SH3BP2: variants seen among roughly 807,000 people sequenced by gnomAD.
SH3BP2 encodes SH3 domain-binding protein 2.
SH3BP2 carries 38 observed loss-of-function variants against 56.2 expected under a neutral mutation model. The ratio of observed to expected loss-of-function variants is 0.68; its 90% CI spans 0.52 to 0.89. The LOEUF (loss-of-function observed/expected upper bound fraction) is 0.89. Among genes scored for constraint, SH3BP2 ranks in the 40% least tolerant of loss-of-function variants. SH3BP2 has a pLI of 0.00. For missense variants in SH3BP2, 748 were observed against 762.6 expected, an observed-to-expected ratio of 0.98 and a Z score of 0.23; for synonymous variants, 346 against 316.7, an observed-to-expected ratio of 1.09 and a Z score of -0.98.
intron 1 of SH3BP2, among the ~76,000 whole-genome samples, chr4:2,811,488 A>C (rs1723747844): frequency 6.6e-6 from 1 of 152,226 alleles, no homozygotes; most frequent in Non-Finnish European, 1.5e-5. Context: ...GAGGGCGCTC[A>C]GCAGCCAGTG....
chr4:2,833,470 T>C (rs896544315), intron 12 of SH3BP2: 2 of 630,454 alleles, frequency 3.2e-6, no homozygotes, highest in African/African-American at 1.8e-5. Context: ...TCTGAAGTGC[T>C]CTGGGTGCAG....
intron 1 of SH3BP2, among the ~76,000 whole-genome samples, chr4:2,793,960 T>G (rs1158527131): frequency 6.6e-6 from 1 of 152,210 alleles, no homozygotes; most frequent in Admixed American, 6.5e-5. Flanking sequence ...TGGGGAGCCT[T>G]CTGCTGGTGC....
intron 1 of SH3BP2, among the ~76,000 whole-genome samples, chr4:2,802,324 A>G (rs1723313727): frequency 6.6e-6 from 1 of 151,604 alleles, no homozygotes; most frequent in Non-Finnish European, 1.5e-5. Flanking sequence ...AACCAAGGAG[A>G]CAGAGGTTGC....
chr4:2,796,907 A>C (rs1424738789), intron 1 of SH3BP2, among the ~76,000 whole-genome samples: 1 of 152,210 alleles, frequency 6.6e-6, no homozygotes, highest in Non-Finnish European at 1.5e-5. Context: ...CAGGCACCAG[A>C]GGGGAGCTGA....
intron 5 of SH3BP2, chr4:2,827,000 T>G: frequency 1.5e-6 from 1 of 677,496 alleles, no homozygotes. Flanking sequence ...TGCATGTGTG[T>G]GTCTGTCAGC....
intron 2 of SH3BP2, among the ~76,000 whole-genome samples, chr4:2,822,731 G>T (rs1446384135): frequency 6.6e-6 from 1 of 152,246 alleles, no homozygotes; most frequent in Non-Finnish European, 1.5e-5. Context: ...GGGCTAGCCA[G>T]TGTGCCTACA....
intron 1 of SH3BP2, among the ~76,000 whole-genome samples, chr4:2,812,855 C>T (rs113148603): frequency 2.0e-5 from 3 of 151,846 alleles, no homozygotes; most frequent in Non-Finnish European, 4.4e-5. Context: ...TAAGTACACA[C>T]GTTGTGTATG....
At position 2,829,860 on chromosome 4, in the gene SH3BP2, C is replaced by T; in HGVS notation, c.954C>T (p.Ser318=). The change falls in exon 8 of 13, where the codon TCC becomes TCT. Residue 318 remains serine, a synonymous_variant. Coordinates refer to ENST00000503393, the MANE Select transcript of SH3BP2 (RefSeq NM_001122681.2). This position sits in a 1 kb window ranked among gnomAD's most constrained non-coding sequence, Gnocchi z 4.9. ...CTGGCCACGGGGCCTGCTCCACTTC[C>T]AGTGCTGCCATCATGGCCACTGCCA... ...WTPGHGACST[S]SAAIMATATS... is the part of the protein sequence containing the mutation. 2 of 1,613,798 alleles carry T rather than the reference C, an allele frequency of 1.2e-6. No homozygotes were observed. Among genetic ancestry groups the T allele is most frequent in the Non-Finnish European group, 1.7e-6 (2 of 1,180,018 alleles).
rs564639669 is a variant in SH3BP2 at position 2,829,427 on chromosome 4, T to G, written c.587-66T>G. On this transcript the variant is annotated intron_variant, in intron 7 of 12. Transcript: ENST00000503393. The surrounding 1 kb of genome is among the most constrained non-coding windows in gnomAD (Gnocchi z 4.9). The stretch of plus-strand genomic sequence containing the variant: ...ACTCCTGGTTGGCCTGGCTGACCAC[T>G]GCCAGCAGAGGATAGTGTTGGCCCA... 1 of 1,567,998 alleles carries G rather than the reference T, an allele frequency of 6.4e-7. No individual in the cohort carries two copies. The highest frequency in any genetic ancestry group is 2.2e-5 in the East Asian group (1 of 44,676).
intron 1 of SH3BP2, among the ~76,000 whole-genome samples, chr4:2,794,936 G>A (rs976150561): frequency 6.6e-6 from 1 of 152,146 alleles, no homozygotes; most frequent in African/African-American, 2.4e-5. Context: ...AGGGAGGAAG[G>A]GCGCAAACTC....
chr4:2,818,151 G>T (rs865788250), intron 1 of SH3BP2: 1,049 of 920,230 alleles, frequency 1.1e-3, no homozygotes, highest in Middle Eastern at 7.2e-3. Flanking sequence ...GGCGCGCCGG[G>T]ATCCTCACCT....
At chr4:2,793,533 G>C (rs988206704) in intron 1 of SH3BP2, among the ~76,000 whole-genome samples, 1 of 151,304 alleles carries the variant, frequency 6.6e-6, no homozygotes, top group Non-Finnish European at 1.5e-5. Flanking sequence ...GGTGTCCCTT[G>C]CCGGGGGCTC....
intron 1 of SH3BP2, among the ~76,000 whole-genome samples, chr4:2,808,378 A>G (rs1349791954): frequency 6.6e-6 from 1 of 152,174 alleles, no homozygotes; most frequent in Non-Finnish European, 1.5e-5. Context: ...GTGCTGCTTA[A>G]CTTAGTTACA....
intron 2 of SH3BP2, among the ~76,000 whole-genome samples, chr4:2,821,635 C>CT (rs1475292644): frequency 6.6e-6 from 1 of 152,174 alleles, no homozygotes; most frequent in Non-Finnish European, 1.5e-5. Flanking sequence ...TCATGGCTCA[C>CT]TGCAGCCTCA....
chr4:2,800,899 A>G (rs1377101466), intron 1 of SH3BP2, among the ~76,000 whole-genome samples: 1 of 152,168 alleles, frequency 6.6e-6, no homozygotes, highest in Non-Finnish European at 1.5e-5. Context: ...GAGGTAGGGC[A>G]TGGGTGGCCT....
intron 1 of SH3BP2, among the ~76,000 whole-genome samples, chr4:2,800,792 T>C (rs1723243992): frequency 6.6e-6 from 1 of 151,902 alleles, no homozygotes; most frequent in African/African-American, 2.4e-5. Context: ...ATTGGGGGTG[T>C]CTTGGGGTGA....
intron 1 of SH3BP2, among the ~76,000 whole-genome samples, chr4:2,802,404 ATGTGTGTGTGTGTGTGTG>A (rs1175501543): frequency 1.0e-3 from 138 of 135,976 alleles, no homozygotes; most frequent in African/African-American, 3.8e-3. Flanking sequence ...AAAAAAATAT[ATGTGTGTGTGTGTGTGTG>A]TGTGTGTGTG....
chr4:2,827,044 T>G lies in SH3BP2; in HGVS notation c.429-186T>G, dbSNP rs1794395. 0.54 allele frequency: 375,745 copies of G among 696,472 alleles called. 102,848 individuals carry two copies. The highest frequency in any genetic ancestry group is 0.65 in the Admixed American group (32,376 of 49,688). The allele number at this position is 696,472 out of a possible 1,614,324, so 43.1% of individuals were successfully genotyped here. ...GTGTGCATGTGTGTGTCTGTCAGCG[T>G]ATCCGTGTGTGCATGTGTGTGTCTG... On this transcript the variant is annotated intron_variant, in intron 5 of 12. Transcript: ENST00000503393.
Position 2,827,622 on chromosome 4 carries a change from T to C in SH3BP2, c.534T>C (p.Asp178=), listed in dbSNP as rs566948147. The change falls in exon 7 of 13, where the codon GAT becomes GAC. Residue 178 remains aspartate, a synonymous_variant. Coordinates refer to ENST00000503393, the MANE Select transcript of SH3BP2 (RefSeq NM_001122681.2). ...PTDNEDYEHD[D]EDDSYLEPDS... ...CCCATGCAGACTATGAGCACGACGA[T>C]GAGGATGACTCCTACCTGGAGCCTG... 9 of 1,598,080 alleles carry C rather than the reference T, an allele frequency of 5.6e-6. No individual in the cohort carries two copies. In the East Asian group the frequency reaches 1.8e-4, roughly 32 times the overall value.
Sources: allele counts gnomAD v4.1 joint callset (sites outside exome capture counted in the v4.1 genomes callset), GRCh38; gene constraint gnomAD v4.1.1; non-coding constraint Gnocchi (gnomAD v3.1); transcripts MANE v1.5; gene names NCBI Gene and HGNC (gene_info 2026-07-23, HGNC 2026-07-21).